CTNNA3: variants seen among roughly 807,000 people sequenced by gnomAD.
CTNNA3 encodes catenin alpha 3, also known as catenin alpha-3.
Under a neutral mutation model 95.7 loss-of-function variants are expected in CTNNA3, and 76 were observed. The observed-to-expected ratio is 0.79, with a 90% confidence interval of 0.66 to 0.96. CTNNA3 has a LOEUF of 0.96. CTNNA3 is among the 40% of genes least tolerant of loss of function. CTNNA3 has a pLI of 0.00. For missense variants in CTNNA3, 1,191 were observed against 1,089.8 expected, an observed-to-expected ratio of 1.09 and a Z score of -1.31; for synonymous variants, 431 against 374.4, an observed-to-expected ratio of 1.15 and a Z score of -1.74.
At chr10:67,670,553 T>C (rs1160480523) in intron 1 of CTNNA3, among the ~76,000 whole-genome samples, 1 of 152,170 alleles carries the variant, frequency 6.6e-6, no homozygotes, top group East Asian at 1.9e-4. Context: ...ATAGAGCCAA[T>C]GAATCACACT....
chr10:66,082,329 C>G (rs1370444817), intron 14 of CTNNA3, among the ~76,000 whole-genome samples: 1 of 152,012 alleles, frequency 6.6e-6, no homozygotes, highest in East Asian at 1.9e-4. Context: ...GATATTTCCT[C>G]CAAAAATGCA....
chr10:67,733,425 G>T (rs182152705), intron 1 of CTNNA3, among the ~76,000 whole-genome samples: 1 of 152,018 alleles, frequency 6.6e-6, no homozygotes, highest in African/African-American at 2.4e-5. Flanking sequence ...CTCTACATCC[G>T]TAGATCATAC....
chr10:67,345,622 T>C (rs1842382602), intron 5 of CTNNA3, among the ~76,000 whole-genome samples: 1 of 152,116 alleles, frequency 6.6e-6, no homozygotes, highest in Admixed American at 6.6e-5. Context: ...GAAATCTATT[T>C]TGTCTGATAT....
intron 11 of CTNNA3, among the ~76,000 whole-genome samples, chr10:66,450,176 G>T (rs897803619): frequency 6.6e-6 from 1 of 151,996 alleles, no homozygotes; most frequent in African/African-American, 2.4e-5. Flanking sequence ...CCAAATATGT[G>T]AAAAGGACAA....
intron 6 of CTNNA3, among the ~76,000 whole-genome samples, chr10:67,182,978 A>T (rs892958706): frequency 1.3e-5 from 2 of 152,186 alleles, no homozygotes; most frequent in Non-Finnish European, 2.9e-5. Flanking sequence ...GCAAATCAAA[A>T]CCACAATGAG....
At chr10:67,742,275 A>G (rs2133642235) in intron 1 of CTNNA3, among the ~76,000 whole-genome samples, 1 of 151,438 alleles carries the variant, frequency 6.6e-6, no homozygotes, top group East Asian at 1.9e-4. Context: ...AGCAAATGTA[A>G]AAGAACAGAA....
At chr10:66,668,876 A>G (rs1846557816) in intron 9 of CTNNA3, among the ~76,000 whole-genome samples, 1 of 152,078 alleles carries the variant, frequency 6.6e-6, no homozygotes, top group African/African-American at 2.4e-5. Context: ...CATTGTGCAA[A>G]GTTCCCAAAT....
chr10:67,007,610 C>CT (rs957197890), intron 7 of CTNNA3, among the ~76,000 whole-genome samples: 1 of 151,882 alleles, frequency 6.6e-6, no homozygotes, highest in African/African-American at 2.4e-5. Flanking sequence ...AAGGTAAAGG[C>CT]TTTTTTCTGA....
chr10:66,928,465 GT>G, intron 7 of CTNNA3: 1 of 1,569,996 alleles, frequency 6.4e-7, no homozygotes, highest in Non-Finnish European at 8.6e-7. Flanking sequence ...ATGAACCATT[GT>G]GATAAAAAGA....
At chr10:67,506,692 T>C (rs1839437896) in intron 5 of CTNNA3, among the ~76,000 whole-genome samples, 1 of 152,214 alleles carries the variant, frequency 6.6e-6, no homozygotes. Context: ...GTTGAAGCAG[T>C]AGTCTTTTTG....
At chr10:67,211,614 A>T (rs1377984501) in intron 6 of CTNNA3, among the ~76,000 whole-genome samples, 1 of 152,166 alleles carries the variant, frequency 6.6e-6, no homozygotes, top group Non-Finnish European at 1.5e-5. Context: ...GGCGGTGACA[A>T]TATAAATATG....
chr10:66,245,443 C>G (rs922305495), intron 13 of CTNNA3, among the ~76,000 whole-genome samples: 1 of 152,220 alleles, frequency 6.6e-6, no homozygotes, highest in African/African-American at 2.4e-5. Flanking sequence ...TTTGTGTTAG[C>G]TCTTTTAGTT....
chr10:67,690,847 C>T (rs1840831973), intron 1 of CTNNA3, among the ~76,000 whole-genome samples: 1 of 147,988 alleles, frequency 6.8e-6, no homozygotes, highest in South Asian at 2.1e-4. Flanking sequence ...TCTAGAAAGT[C>T]TTGCTACAGC....
chr10:66,797,738 T>C (rs1167853534), intron 7 of CTNNA3, among the ~76,000 whole-genome samples: 6 of 151,962 alleles, frequency 3.9e-5, no homozygotes, highest in African/African-American at 1.4e-4. Context: ...GCCCTAGACC[T>C]CAGGTTACTT....
intron 5 of CTNNA3, among the ~76,000 whole-genome samples, chr10:67,471,693 G>A (rs1847836030): frequency 1.3e-5 from 2 of 152,174 alleles, no homozygotes; most frequent in Admixed American, 6.5e-5. Context: ...GTTAAATCGG[G>A]AGTGGATGTT....
intron 12 of CTNNA3, among the ~76,000 whole-genome samples, chr10:66,354,980 T>C (rs1313318525): frequency 1.3e-5 from 2 of 152,134 alleles, no homozygotes; most frequent in African/African-American, 2.4e-5. Context: ...ACCAGAAAGA[T>C]AGGCTCAGAC....
intron 9 of CTNNA3, among the ~76,000 whole-genome samples, chr10:66,736,482 C>T (rs941511911): frequency 1.3e-5 from 2 of 151,808 alleles, no homozygotes; most frequent in Non-Finnish European, 1.5e-5. Flanking sequence ...AGTGATCTGC[C>T]GCACCCAGGC....
intron 13 of CTNNA3, among the ~76,000 whole-genome samples, chr10:66,198,400 C>A (rs1317640728): frequency 1.3e-5 from 2 of 152,050 alleles, no homozygotes; most frequent in Non-Finnish European, 2.9e-5. Flanking sequence ...GAGGAATCTA[C>A]CTGATTAATT....
chr10:66,386,071 C>T (rs75924450), intron 11 of CTNNA3, among the ~76,000 whole-genome samples: 1 of 152,154 alleles, frequency 6.6e-6, no homozygotes, highest in Non-Finnish European at 1.5e-5. Context: ...TCCTACTCAA[C>T]ATAGTGTTGG....
Sources: gnomAD v4.1 joint callset for allele counts (sites outside exome capture counted in the v4.1 genomes callset) on GRCh38, gnomAD v4.1.1 for gene constraint, MANE v1.5 for transcripts, NCBI Gene and HGNC (gene_info 2026-07-23, HGNC 2026-07-21) for gene names.